Variants in LILRB1 observed in about 807,000 individuals in gnomAD.
LILRB1 encodes leukocyte immunoglobulin-like receptor subfamily B member 1.
In LILRB1, 59 loss-of-function variants were observed where a neutral mutation model predicts 74.6. That is an observed-to-expected ratio of 0.79 (90% confidence interval 0.64 to 0.98). The LOEUF (loss-of-function observed/expected upper bound fraction) is 0.98, where lower values mean the gene tolerates loss of function less well. Ranked by LOEUF, LILRB1 falls within the 50% of genes least tolerant of loss-of-function variation. The pLI, the probability that LILRB1 is intolerant of heterozygous loss-of-function variation, is 0.00. For synonymous variants in LILRB1, 328 were observed against 333.9 expected, an observed-to-expected ratio of 0.98 and a Z score of 0.19; for missense variants, 804 against 822.6, an observed-to-expected ratio of 0.98 and a Z score of 0.28.
At chr19:54,625,484 C>A (rs910715039), upstream of LILRB1, among the ~76,000 whole-genome samples, 3 of 152,140 alleles carry the variant, frequency 2.0e-5, no homozygotes, top group Non-Finnish European at 2.9e-5. Flanking sequence ...CTCCCTGTGC[C>A]TCTGTAGGCC....
intron 1 of LILRB1, among the ~76,000 whole-genome samples, chr19:54,624,428 G>T (rs911010212): frequency 6.6e-6 from 1 of 152,102 alleles, no homozygotes; most frequent in African/African-American, 2.4e-5. Context: ...CTCTCTGCAG[G>T]CGTGGTTCCA....
chr19:54,628,894 C>T (rs1219631547), upstream of LILRB1, among the ~76,000 whole-genome samples: 5 of 152,174 alleles, frequency 3.3e-5, no homozygotes, highest in African/African-American at 1.2e-4. Context: ...TAAGGCCTAA[C>T]ACAGCCAATG....
In LILRB1 at chr19:54,636,811, C is replaced by A; in HGVS notation, c.1892C>A (p.Pro631His). The A allele has an allele frequency of 6.2e-7, 1 of 1,613,442 alleles. No individual in the cohort carries two copies. Among genetic ancestry groups the A allele is most frequent in the East Asian group, 2.2e-5 (1 of 44,834 alleles). Residue 631 changes from proline to histidine, a missense_variant, in exon 15 of 15, where the codon CCT (proline) becomes CAT (histidine). By Grantham distance (77) the Pro-to-His change is moderately conservative. Coordinates refer to ENST00000324602, the MANE Select transcript of LILRB1 (RefSeq NM_001081637.3). Reference sequence around the variant, plus strand: ...ACCCTCAGACGGGAGGCAACTGAGCCTCCTCCATCCCAGGAAGGGCCCTCT... The same window carrying A: ...ACCCTCAGACGGGAGGCAACTGAGCATCCTCCATCCCAGGAAGGGCCCTCT... ...SLTLRREATE[P>H]PPSQEGPSPA...
chr19:54,636,074 G>A (rs1010978897), intron 13 of LILRB1: 2 of 545,132 alleles, frequency 3.7e-6, no homozygotes, highest in Non-Finnish European at 3.6e-6. Context: ...GGAGTGCAAC[G>A]TGCTGTAAGG....
rs556290698 is a variant in LILRB1, at chr19:54,635,983, A to G, written c.1653+374A>G. The G allele has an allele frequency of 3.6e-3, 2,029 of 563,762 alleles. 11 individuals carry two copies. The highest frequency in any genetic ancestry group is 6.3e-3 in the Non-Finnish European group (1,799 of 287,322). The allele number at this position is 563,762 out of a possible 1,614,324, so 34.9% of individuals were successfully genotyped here. A position where few individuals can be genotyped will look rare whatever the true frequency, so the allele number is the denominator to read the frequency against. On this transcript the variant is annotated intron_variant, in intron 13 of 14. Coordinates refer to ENST00000324602, the MANE Select transcript of LILRB1 (RefSeq NM_001081637.3). Reference sequence around the variant, plus strand: ...GGGGCTCCCCATGGGAGCTGCAGACACAGCAGGGAGGAAAGCCGCCCCCGC... The same window carrying G: ...GGGGCTCCCCATGGGAGCTGCAGACGCAGCAGGGAGGAAAGCCGCCCCCGC...
chr19:54,629,901 G>A (rs1309788471), upstream of LILRB1, among the ~76,000 whole-genome samples: 1 of 145,756 alleles, frequency 6.9e-6, no homozygotes, highest in East Asian at 2.0e-4. Flanking sequence ...TGCCCAGATA[G>A]ATGGACAAAT....
rs2064311051 is a variant in LILRB1 at position 54,635,438 on chromosome 19, A to T, written c.1601-119A>T. 11 of 1,513,484 alleles carry T rather than the reference A, an allele frequency of 7.3e-6. No homozygotes were observed. The East Asian group carries it at 2.5e-4, about 34-fold the overall frequency. The allele number at this position is 1,513,484 out of a possible 1,614,324, so 93.8% of individuals were successfully genotyped here. A position where few individuals can be genotyped will look rare whatever the true frequency, so the allele number is the denominator to read the frequency against. Reference sequence around the variant, plus strand: ...CACCCCACACTGTGGGGCCTCAGGGACATCGCAGCCCCTCCCTGCATCTCA... The same window carrying T: ...CACCCCACACTGTGGGGCCTCAGGGTCATCGCAGCCCCTCCCTGCATCTCA... On this transcript the variant is annotated intron_variant, in intron 12 of 14. Coordinates refer to ENST00000324602, the MANE Select transcript of LILRB1 (RefSeq NM_001081637.3).
At position 54,631,609 on chromosome 19, in the gene LILRB1, A is replaced by G. The variant is rs576985989; in HGVS notation, c.180A>G (p.Leu60=). Residue 60 remains leucine (L), a synonymous_variant, in exon 4 of 15, where the codon CTA becomes CTG. Transcript: ENST00000324602. ...QGGQETQEYR[L]YREKKTAPWI... ...GCCAGGAGACCCAGGAGTACCGTCT[A>G]TATAGAGAAAAGAAAACAGCACCCT... 24 of 1,614,290 alleles carry G rather than the reference A, an allele frequency of 1.5e-5. No homozygotes were observed. The East Asian group carries it at 2.7e-4, about 18-fold the overall frequency.
Position 54,636,514 on chromosome 19 carries a change from C to T in LILRB1, c.1674C>T (p.Asp558=), listed in dbSNP as rs369471655. 3.6e-5 allele frequency: 58 copies of T among 1,611,694 alleles called. No homozygotes were observed. The highest frequency in any genetic ancestry group is 4.5e-5 in the Non-Finnish European group (53 of 1,179,800). ...TCCAGCAGAGCCCACACGATGAAGA[C>T]CCCCAGGCAGTGACGTATGCCGAGG... is the stretch of plus-strand genomic sequence containing the variant. ...MDTRQSPHDE[D]PQAVTYAEVK... Residue 558 remains aspartate (D), a synonymous_variant, in exon 14 of 15, where the codon GAC becomes GAT. Coordinates refer to ENST00000324602, the MANE Select transcript of LILRB1 (RefSeq NM_001081637.3).
chr19:54,633,442 C>G, intron 7 of LILRB1, 124 bp downstream of exon 7: 1 of 1,368,768 alleles, frequency 7.3e-7, no homozygotes, highest in Admixed American at 2.4e-5. Context: ...GGGAGACTCA[C>G]CCTCAGAGGG....
rs769435373 is a variant in LILRB1 at position 54,636,649 on chromosome 19, T to C, written c.1809T>C (p.Thr603=). 6.2e-6 allele frequency: 10 copies of C among 1,610,596 alleles called. No homozygotes were observed. The highest frequency in any genetic ancestry group is 8.5e-6 in the Non-Finnish European group (10 of 1,178,944). Residue 603 remains threonine (T), a synonymous_variant, in exon 14 of 15, where the codon ACT becomes ACC. Coordinates refer to ENST00000324602, the MANE Select transcript of LILRB1 (RefSeq NM_001081637.3). ...RQAEEDRQMD[T]EAAASEAPQD... The stretch of plus-strand genomic sequence containing the variant: ...CGGAAGAGGACAGGCAGATGGACAC[T>C]GAGGTGAGTCCTTTCCTCTCCAGGC...
In LILRB1 at chr19:54,625,058, GCCAGGCC is replaced by G. The variant is rs1435693935; in HGVS notation, c.-165-5458_-165-5452del. ...TTTTGCTCTGGGGACACGTGAAAGT[GCCAGGCC>G]TCCCCACACCCTCCCTGGGCCTGGG... On this transcript the variant is annotated intron_variant, in intron 1 of 15. Transcript: ENST00000396331. Among the ~76,000 whole-genome samples, 10 of 137,196 alleles carry G rather than the reference GCCAGGCC, an allele frequency of 7.3e-5. 1 individual carries two copies. In the East Asian group the frequency reaches 2.0e-3, roughly 28 times the overall value. 90.0% of individuals were successfully genotyped at this position (137,196 alleles called of 152,430 possible). A position where few individuals can be genotyped will look rare whatever the true frequency, so the allele number is the denominator to read the frequency against.
Position 54,632,718 on chromosome 19 carries a change from G to A in LILRB1, c.916G>A (p.Glu306Lys), listed in dbSNP as rs192288587. 1,003 of 1,612,434 alleles carry A rather than the reference G, an allele frequency of 6.2e-4. 6 individuals carry two copies. The African/African-American group carries it at 0.012, about 19-fold the overall frequency. The part of the protein sequence containing the change: ...RCYGAHNLSS[E>K]WSAPSDPLDI... Reference sequence around the variant, plus strand: ...CTACGGTGCACACAACCTCTCCTCCGAGTGGTCGGCCCCCAGCGACCCCCT... The same window carrying A: ...CTACGGTGCACACAACCTCTCCTCCAAGTGGTCGGCCCCCAGCGACCCCCT... The change falls in exon 6 of 15, where the codon GAG (glutamate) becomes AAG (lysine). Residue 306 changes from glutamate to lysine, a missense_variant. Transcript: ENST00000324602.
At chr19:54,628,916 G>T (rs1335548268), upstream of LILRB1, among the ~76,000 whole-genome samples, 1 of 152,196 alleles carries the variant, frequency 6.6e-6, no homozygotes, top group African/African-American at 2.4e-5. Flanking sequence ...TATAACAAAA[G>T]ACTGTAACAA....
At position 54,632,668 on chromosome 19, in the gene LILRB1, G is replaced by A. The variant is rs553317698; in HGVS notation, c.866G>A (p.Arg289His). The A allele has an allele frequency of 2.5e-5, 40 of 1,613,670 alleles. No individual in the cohort carries two copies. Among genetic ancestry groups the A allele is most frequent in the South Asian group, 5.5e-5 (5 of 91,050 alleles). The change falls in exon 6 of 15, where the codon CGC becomes CAC. Residue 289 changes from arginine (R) to histidine (H), a missense_variant. Transcript: ENST00000324602. ...QANFTLGPVSRSYGGQYRCYG... is the reference protein window; with the variant it reads ...QANFTLGPVSHSYGGQYRCYG... ...AACTTCACCCTGGGCCCTGTGAGCC[G>A]CTCCTACGGGGGCCAGTACAGATGC...
intron 13 of LILRB1, 98 bp downstream of exon 13, chr19:54,635,707 G>C: frequency 7.3e-7 from 1 of 1,375,256 alleles, no homozygotes. Flanking sequence ...TCTCAGCATC[G>C]TCACGGTGGA....
Position 54,637,259 on chromosome 19 carries a change from G to A in LILRB1, c.*381G>A, listed in dbSNP as rs1207150656. ...TAAGAAATTTAGGGCAGGGCACGGT[G>A]GCTCACGCCTGTAATTCCAGCACTT... On this transcript the variant is annotated 3_prime_UTR_variant, in exon 15 of 15. Transcript: ENST00000324602. 5.1e-6 allele frequency: 1 copy of A among 195,270 alleles called. No individual in the cohort carries two copies. Among genetic ancestry groups the A allele is most frequent in the East Asian group, 1.2e-4 (1 of 8,004 alleles). The allele number at this position is 195,270 out of a possible 1,614,324, so 12.1% of individuals were successfully genotyped here.
At chr19:54,629,019 T>A (rs972767185), upstream of LILRB1, among the ~76,000 whole-genome samples, 7 of 152,210 alleles carry the variant, frequency 4.6e-5, no homozygotes, top group Non-Finnish European at 8.8e-5. Context: ...TGGCTTGCCA[T>A]GCCATGCACT....
chr19:54,619,337 A>T (rs1340804551), intron 1 of LILRB1, among the ~76,000 whole-genome samples: 3 of 152,042 alleles, frequency 2.0e-5, no homozygotes, highest in Non-Finnish European at 2.9e-5. Context: ...GACTTTTTTT[A>T]AAAAAAGAAA....
Sources: gnomAD v4.1 joint callset for allele counts (sites outside exome capture counted in the v4.1 genomes callset) on GRCh38, gnomAD v4.1.1 for gene constraint, MANE v1.5 for transcripts, NCBI Gene and HGNC (gene_info 2026-07-23, HGNC 2026-07-21) for gene names.